Variants in GK5 observed in about 807,000 individuals in gnomAD.
GK5 encodes the protein ATP:glycerol 3-phosphotransferase 5.
A neutral mutation model predicts 77.3 loss-of-function variants in GK5; 39 were observed. The observed-to-expected ratio is 0.50, with a 90% CI of 0.39 to 0.66. The LOEUF is 0.66. GK5 is among the 30% of genes least tolerant of loss of function. The pLI is 0.00. For missense variants in GK5, 487 were observed against 633.8 expected (o/e 0.77, Z 2.49); for synonymous variants, 211 against 208.0 (o/e 1.01, Z -0.13).
intron 14 of GK5, among the ~76,000 whole-genome samples, chr3:142,171,046 T>C (rs1415942210): frequency 1.3e-5 from 2 of 152,086 alleles, no homozygotes; most frequent in African/African-American, 4.8e-5. Context: ...CTGGCCAACA[T>C]GGCGAAACCC....
rs184778420 is a variant in GK5, at chr3:142,180,425, C to T, written c.1048+1036G>A. Among the ~76,000 whole-genome samples the T allele has an allele frequency of 1.7e-3, 260 of 152,058 alleles. 2 individuals carry two copies. Among genetic ancestry groups the T allele is most frequent in the African/African-American group, 6.1e-3 (252 of 41,486 alleles). Reference sequence around the variant, plus strand: ...TCAAGTGATTCTCCTGCCTCAGCCTCCAGAGTAGCTGGGATTACAGGCGCA... The same window carrying T: ...TCAAGTGATTCTCCTGCCTCAGCCTTCAGAGTAGCTGGGATTACAGGCGCA... On this transcript the variant is annotated intron_variant, in intron 11 of 15. Transcript: ENST00000392993.
intron 5 of GK5, among the ~76,000 whole-genome samples, chr3:142,190,280 TC>T (rs1409813306): frequency 1.3e-5 from 2 of 152,012 alleles, no homozygotes; most frequent in Non-Finnish European, 2.9e-5. Context: ...AGTGAGAAGG[TC>T]TAAACTTAAA....
At chr3:142,180,981 G>A (rs556890267) in intron 11 of GK5, among the ~76,000 whole-genome samples, 30 of 152,304 alleles carry the variant, frequency 2.0e-4, no homozygotes, top group Non-Finnish European at 3.8e-4. Flanking sequence ...ACAAATGAGG[G>A]GCGGATCCAA....
chr3:142,223,622 T>C (rs2064386104), intron 1 of GK5, among the ~76,000 whole-genome samples: 2 of 152,232 alleles, frequency 1.3e-5, no homozygotes. Context: ...GCGGTTCACC[T>C]GAGGTCAAGA....
At chr3:142,171,977 G>A (rs892909696) in intron 13 of GK5, among the ~76,000 whole-genome samples, 2 of 151,984 alleles carry the variant, frequency 1.3e-5, no homozygotes, top group Non-Finnish European at 2.9e-5. Context: ...ATATGCAGAA[G>A]AATAATTCTG....
chr3:142,180,173 C>A (rs1272888989), intron 11 of GK5, among the ~76,000 whole-genome samples: 1 of 152,186 alleles, frequency 6.6e-6, no homozygotes, highest in Non-Finnish European at 1.5e-5. Context: ...TCTTCCCGTG[C>A]GCCCACTCCC....
At chr3:142,194,959 T>C in intron 5 of GK5, among the ~76,000 whole-genome samples, 1 of 151,748 alleles carries the variant, frequency 6.6e-6, no homozygotes, top group East Asian at 1.9e-4. Flanking sequence ...TTCCCGAACT[T>C]AGGAGAAAAA....
At chr3:142,207,699 G>A (rs1445382991) in intron 3 of GK5, among the ~76,000 whole-genome samples, 1 of 152,168 alleles carries the variant, frequency 6.6e-6, no homozygotes, top group Non-Finnish European at 1.5e-5. Context: ...TGCATTGTTG[G>A]CACCGCAGGA....
chr3:142,201,448 A>T (rs959888116), intron 4 of GK5, among the ~76,000 whole-genome samples: 8 of 152,194 alleles, frequency 5.3e-5, no homozygotes, highest in African/African-American at 1.9e-4. Context: ...TTTTAAATGG[A>T]GGACAGATTA....
At position 142,171,401 on chromosome 3, in the gene GK5, G is replaced by C. The variant is rs929992601; in HGVS notation, c.1307+18C>G. 5 of 1,470,080 alleles carry C rather than the reference G, an allele frequency of 3.4e-6. No homozygotes were observed. The highest frequency in any genetic ancestry group is 4.6e-6 in the Non-Finnish European group (5 of 1,094,882). 91.1% of individuals were successfully genotyped at this position (1,470,080 alleles called of 1,614,324 possible). On this transcript the variant is annotated intron_variant, in intron 14 of 15. Coordinates refer to ENST00000392993, the MANE Select transcript of GK5 (RefSeq NM_001039547.3). Reference sequence around the variant, plus strand: ...TTCTAATTTCTAATTAAGTCTATTAGAAATAAACTTTACATACCGGATTTT... The same window carrying C: ...TTCTAATTTCTAATTAAGTCTATTACAAATAAACTTTACATACCGGATTTT...
intron 7 of GK5, 43 bp downstream of exon 7, chr3:142,186,409 C>T (rs760304905): frequency 1.4e-5 from 17 of 1,173,490 alleles, no homozygotes; most frequent in Non-Finnish European, 1.9e-5. Context: ...ATCTATATTA[C>T]ACAAAAATGT....
chr3:142,167,893 T>A (rs1353954159), intron 15 of GK5, among the ~76,000 whole-genome samples: 2 of 152,168 alleles, frequency 1.3e-5, no homozygotes, highest in Admixed American at 6.5e-5. Flanking sequence ...GTGCCTGCAA[T>A]CCCAGCTACT....
At chr3:142,200,303 GATTAC>G (rs1382233548) in intron 4 of GK5, among the ~76,000 whole-genome samples, 1 of 152,128 alleles carries the variant, frequency 6.6e-6, no homozygotes, top group Non-Finnish European at 1.5e-5. Context: ...AAGTAGCTGG[GATTAC>G]AGGTGTGGAT....
chr3:142,220,120 T>C (rs896961512), intron 1 of GK5, among the ~76,000 whole-genome samples: 1 of 152,072 alleles, frequency 6.6e-6, no homozygotes, highest in East Asian at 1.9e-4. Context: ...GAAGAGCAAA[T>C]AGGATCAGAC....
intron 4 of GK5, among the ~76,000 whole-genome samples, chr3:142,202,156 T>C (rs1252846049): frequency 2.6e-5 from 4 of 152,098 alleles, no homozygotes; most frequent in Non-Finnish European, 5.9e-5. Flanking sequence ...GAAAGAGGTC[T>C]AGGAGGTGGT....
At chr3:142,187,669 G>T in intron 6 of GK5, 35 bp downstream of exon 6, 7 of 1,423,856 alleles carry the variant, frequency 4.9e-6, no homozygotes, top group East Asian at 2.3e-5. Context: ...ATCAAATTTC[G>T]GTTATTTAAA....
chr3:142,189,903 T>C (rs2063825170), intron 5 of GK5, among the ~76,000 whole-genome samples: 2 of 152,076 alleles, frequency 1.3e-5, no homozygotes, highest in Non-Finnish European at 2.9e-5. Flanking sequence ...TACACAGAAT[T>C]TTACAAATAT....
rs755622644 is a variant in GK5 at position 142,185,960 on chromosome 3, A to C, written c.785T>G (p.Ile262Arg). 1 of 1,610,634 alleles carries C rather than the reference A, an allele frequency of 6.2e-7. No homozygotes were observed. Among genetic ancestry groups the C allele is most frequent in the East Asian group, 2.2e-5 (1 of 44,780 alleles). The change falls in exon 9 of 16, where the codon ATA becomes AGA. Residue 262 changes from isoleucine (I) to arginine (R), a missense_variant. Transcript: ENST00000392993. ...AACTATTGGTATAGGCACACCAAATATCTCTTCATCCACTGATCCAAAATT... is the reference window on the plus strand; with the variant it reads ...AACTATTGGTATAGGCACACCAAATCTCTCTTCATCCACTGATCCAAAATT... ...SHNFGSVDEEIFGVPIPIVAL... is the reference protein window; with the variant it reads ...SHNFGSVDEERFGVPIPIVAL...
At chr3:142,179,418 G>A (rs569470416) in intron 11 of GK5, among the ~76,000 whole-genome samples, 6 of 152,194 alleles carry the variant, frequency 3.9e-5, no homozygotes, top group African/African-American at 1.4e-4. Flanking sequence ...GTATGGTGGC[G>A]TGCCTGTAAT....
Sources: gnomAD v4.1 joint callset for allele counts (sites outside exome capture counted in the v4.1 genomes callset) on GRCh38, gnomAD v4.1.1 for gene constraint, MANE v1.5 for transcripts, NCBI Gene and HGNC (gene_info 2026-07-23, HGNC 2026-07-21) for gene names.